PHLPP1: variants seen among roughly 807,000 people sequenced by gnomAD.
PHLPP1 encodes PH domain leucine-rich repeat-containing protein phosphatase 1.
A neutral mutation model predicts 117.2 loss-of-function variants in PHLPP1; 42 were observed. The ratio of observed to expected loss-of-function variants is 0.36; its 90% CI spans 0.28 to 0.46. The LOEUF is 0.46. PHLPP1 is among the 20% of genes least tolerant of loss of function. The pLI is 1.00. For synonymous variants in PHLPP1, 1,042 were observed against 970.7 expected, an observed-to-expected ratio of 1.07 and a Z score of -1.37; for missense variants, 2,084 against 2,241.9, an observed-to-expected ratio of 0.93 and a Z score of 1.42.
chr18:62,941,763 T>G lies in PHLPP1; in HGVS notation c.3006T>G (p.Pro1002=). 6.2e-7 allele frequency: 1 copy of G among 1,613,890 alleles called. No homozygotes were observed. Among genetic ancestry groups the G allele is most frequent in the Non-Finnish European group, 8.5e-7 (1 of 1,179,800 alleles). The change falls in exon 11 of 17, where the codon CCT becomes CCG. Residue 1002 remains proline (P), a synonymous_variant. Coordinates refer to ENST00000262719, the MANE Select transcript of PHLPP1 (RefSeq NM_194449.4). ...NASANKLESL[P]PATLSEETNS... ...CTGCGAACAAACTGGAAAGCCTTCC[T>G]CCAGCCACGCTTTCCGAAGAGACAA...
intron 9 of PHLPP1, 29 bp downstream of exon 9, chr18:62,915,037 C>A: frequency 6.7e-7 from 1 of 1,491,814 alleles, no homozygotes. Flanking sequence ...ATGAGAGGAT[C>A]TCACAATAAA....
chr18:62,895,507 T>A (rs1394772621), intron 5 of PHLPP1, among the ~76,000 whole-genome samples: 1 of 152,236 alleles, frequency 6.6e-6, no homozygotes, highest in Non-Finnish European at 1.5e-5. Context: ...GATATCTGAA[T>A]CAATTCATAT....
chr18:62,892,296 C>A (rs959632637), intron 4 of PHLPP1, among the ~76,000 whole-genome samples: 3 of 151,688 alleles, frequency 2.0e-5, no homozygotes, highest in African/African-American at 4.8e-5. Flanking sequence ...ACCATGTTGG[C>A]CAGGCTGGTC....
At chr18:62,842,867 C>G (rs1286710713) in intron 3 of PHLPP1, 1 of 152,150 alleles carries the variant, frequency 6.6e-6, no homozygotes, top group Non-Finnish European at 1.5e-5. Flanking sequence ...AAAACATGGC[C>G]ACACCCTTCT....
chr18:62,762,568 C>T (rs1166151138), intron 1 of PHLPP1, among the ~76,000 whole-genome samples: 1 of 151,860 alleles, frequency 6.6e-6, no homozygotes, highest in African/African-American at 2.4e-5. Flanking sequence ...TGTGTGCCAC[C>T]ATGCCCAGCT....
rs73963642 is a variant in PHLPP1, at chr18:62,964,274, G to A, written c.3560+802G>A. On this transcript the variant is annotated intron_variant, in intron 14 of 16. Coordinates refer to ENST00000262719, the MANE Select transcript of PHLPP1 (RefSeq NM_194449.4). Reference sequence around the variant, plus strand: ...CAACCCTGGGCACACATTAGAATCAGTAAGGTAAGGAAAGTTTTTAAAAAG... The same window carrying A: ...CAACCCTGGGCACACATTAGAATCAATAAGGTAAGGAAAGTTTTTAAAAAG... Among the ~76,000 whole-genome samples the A allele has an allele frequency of 5.3e-3, 802 of 152,246 alleles. 7 individuals are homozygous for A. Among genetic ancestry groups the A allele is most frequent in the African/African-American group, 0.018 (762 of 41,526 alleles).
At chr18:62,931,423 T>C (rs1179010528) in intron 10 of PHLPP1, among the ~76,000 whole-genome samples, 1 of 150,502 alleles carries the variant, frequency 6.6e-6, no homozygotes, top group African/African-American at 2.5e-5. Flanking sequence ...TTGTTGGACC[T>C]AAAGGAACTA....
At chr18:62,795,492 CAAAAA>C (rs11291832) in intron 1 of PHLPP1, among the ~76,000 whole-genome samples, 1 of 61,400 alleles carries the variant, frequency 1.6e-5, no homozygotes, top group Admixed American at 1.7e-4. Flanking sequence ...GACTCCATCT[CAAAAA>C]AAAAAAAAAA....
In PHLPP1 at chr18:62,715,602, G is replaced by A. The variant is rs534795618; in HGVS notation, c.-82G>A. On this transcript the variant is annotated 5_prime_UTR_variant, in exon 1 of 17. Coordinates refer to ENST00000262719, the MANE Select transcript of PHLPP1 (RefSeq NM_194449.4). ...GCTTCTCCCTTCTCCGCGCGCCGCCGCCGTCTCCCACCTCCGCCTCATCGC... is the reference window on the plus strand; with the variant it reads ...GCTTCTCCCTTCTCCGCGCGCCGCCACCGTCTCCCACCTCCGCCTCATCGC... 20 of 931,056 alleles carry A rather than the reference G, an allele frequency of 2.1e-5. No individual in the cohort carries two copies. In the Admixed American group the frequency reaches 5.6e-4, roughly 26 times the overall value. 57.7% of individuals were successfully genotyped at this position (931,056 alleles called of 1,614,324 possible).
chr18:62,959,890 C>G (rs1177532166), intron 13 of PHLPP1, among the ~76,000 whole-genome samples: 1 of 152,008 alleles, frequency 6.6e-6, no homozygotes, highest in Non-Finnish European at 1.5e-5. Context: ...GCCTGAGTGT[C>G]CTGAGGAAGG....
At chr18:62,719,270 A>C (rs1176436978) in intron 1 of PHLPP1, among the ~76,000 whole-genome samples, 1 of 152,222 alleles carries the variant, frequency 6.6e-6, no homozygotes, top group Non-Finnish European at 1.5e-5. Context: ...GATTGTTGCG[A>C]AGTTGTCTAA....
intron 3 of PHLPP1, among the ~76,000 whole-genome samples, chr18:62,843,727 C>T (rs374893650): frequency 2.6e-5 from 4 of 152,146 alleles, no homozygotes; most frequent in East Asian, 1.9e-4. Context: ...GTGTAAAAAA[C>T]GGCTCTGTTT....
chr18:62,837,310 T>G (rs1178294840), intron 2 of PHLPP1, among the ~76,000 whole-genome samples: 4 of 152,224 alleles, frequency 2.6e-5, no homozygotes, highest in Admixed American at 6.5e-5. Flanking sequence ...TTTAGGCTTT[T>G]GGTTTTTCTT....
At position 62,716,112 on chromosome 18, in the gene PHLPP1, C is replaced by A; in HGVS notation, c.429C>A (p.Ser143=). The part of the protein sequence containing the change: ...AAAAASSSSS[S]SAAAASHSPG... The stretch of plus-strand genomic sequence containing the variant: ...CGGCCGCCTCCTCGTCGTCGTCGTC[C>A]TCGGCCGCTGCTGCCTCGCACTCCC... The change falls in exon 1 of 17, where the codon TCC becomes TCA. Residue 143 remains serine (S), a synonymous_variant. Coordinates refer to ENST00000262719, the MANE Select transcript of PHLPP1 (RefSeq NM_194449.4). The surrounding 1 kb of genome is among the most constrained non-coding windows in gnomAD (Gnocchi z 5.7). The A allele has an allele frequency of 6.6e-7, 1 of 1,509,958 alleles. No individual in the cohort carries two copies. Among genetic ancestry groups the A allele is most frequent in the South Asian group, 1.2e-5 (1 of 81,318 alleles). The allele number at this position is 1,509,958 out of a possible 1,614,324, so 93.5% of individuals were successfully genotyped here.
intron 1 of PHLPP1, among the ~76,000 whole-genome samples, chr18:62,779,990 A>C (rs1198218756): frequency 1.3e-5 from 2 of 152,166 alleles, no homozygotes; most frequent in African/African-American, 4.8e-5. Flanking sequence ...CAGTTCCCTA[A>C]TTTATAAAAT....
chr18:62,882,684 A>G (rs1158620110), intron 4 of PHLPP1, among the ~76,000 whole-genome samples: 1 of 152,220 alleles, frequency 6.6e-6, no homozygotes, highest in African/African-American at 2.4e-5. Context: ...TCAAACTTTA[A>G]TGGTCTCAAA....
intron 4 of PHLPP1, among the ~76,000 whole-genome samples, chr18:62,863,757 T>G (rs34715557): frequency 0.068 from 10,310 of 152,262 alleles, 474 homozygotes; most frequent in Non-Finnish European, 0.1. Context: ...CATCACCATT[T>G]TGGTTTTGGT....
chr18:62,941,245 A>G (rs1310109784), intron 10 of PHLPP1, among the ~76,000 whole-genome samples: 2 of 152,216 alleles, frequency 1.3e-5, no homozygotes, highest in African/African-American at 4.8e-5. Flanking sequence ...TTATTACTAT[A>G]AGAACCATTT....
intron 1 of PHLPP1, among the ~76,000 whole-genome samples, chr18:62,782,279 G>A (rs1171352525): frequency 6.6e-6 from 1 of 152,238 alleles, no homozygotes; most frequent in Non-Finnish European, 1.5e-5. Flanking sequence ...TTGTGAACAT[G>A]TGGCAAGCCT....
Sources: allele counts gnomAD v4.1 joint callset (sites outside exome capture counted in the v4.1 genomes callset), GRCh38; gene constraint gnomAD v4.1.1; non-coding constraint Gnocchi (gnomAD v3.1); transcripts MANE v1.5; gene names NCBI Gene and HGNC (gene_info 2026-07-23, HGNC 2026-07-21).